The following MEIG1 variants were observed in gnomAD, a reference collection of about 807,000 sequenced individuals.
MEIG1 encodes the protein meiosis/spermiogenesis associated 1, also known as meiosis expressed gene 1 protein homolog.
In MEIG1, 12 loss-of-function variants were observed where a neutral mutation model predicts 11.3. The observed-to-expected ratio is 1.07, with a 90% CI of 0.68 to 1.73. The LOEUF (loss-of-function observed/expected upper bound fraction) is 1.73. MEIG1 is among the 40% of genes most tolerant of loss of function. The pLI is 0.00. For missense variants in MEIG1, 119 were observed against 104.9 expected, an observed-to-expected ratio of 1.13 and a Z score of -0.59; for synonymous variants, 41 against 33.2, an observed-to-expected ratio of 1.24 and a Z score of -0.81.
At chr10:14,978,472 A>T (rs566251339) in intron 1 of MEIG1, among the ~76,000 whole-genome samples, 16 of 151,528 alleles carry the variant, frequency 1.1e-4, no homozygotes, top group African/African-American at 3.6e-4. Flanking sequence ...GGGAGATGTT[A>T]CTCCTAATGT....
chr10:14,961,823 T>C (rs1843017847), intron 1 of MEIG1, among the ~76,000 whole-genome samples: 1 of 151,806 alleles, frequency 6.6e-6, no homozygotes, highest in South Asian at 2.1e-4. Context: ...CATTTTTTTC[T>C]TGAGGCAGGG....
chr10:14,958,944 T>A (rs1176345223), upstream of MEIG1, among the ~76,000 whole-genome samples: 1 of 152,074 alleles, frequency 6.6e-6, no homozygotes, highest in Non-Finnish European at 1.5e-5. Context: ...TTGAATCTGA[T>A]CACTTTTCGC....
At chr10:14,967,831 C>CA (rs1843104427) in intron 2 of MEIG1, among the ~76,000 whole-genome samples, 2 of 87,120 alleles carry the variant, frequency 2.3e-5, no homozygotes, top group Admixed American at 2.5e-4. Flanking sequence ...TCATGACAAA[C>CA]CTTTTCTTAA....
intron 1 of MEIG1, among the ~76,000 whole-genome samples, chr10:14,984,168 A>G (rs959794245): frequency 1.3e-5 from 2 of 151,512 alleles, no homozygotes; most frequent in African/African-American, 4.9e-5. Context: ...CGTCATATCC[A>G]GGCGGGGAGA....
At chr10:14,968,924 C>A (rs1444071095) in intron 2 of MEIG1, among the ~76,000 whole-genome samples, 1 of 151,840 alleles carries the variant, frequency 6.6e-6, no homozygotes, top group African/African-American at 2.4e-5. Flanking sequence ...GCTAAAAATA[C>A]AAAACTTGCC....
intron 1 of MEIG1, among the ~76,000 whole-genome samples, chr10:14,982,856 TA>T (rs1239361727): frequency 6.6e-6 from 1 of 152,152 alleles, no homozygotes; most frequent in Admixed American, 6.5e-5. Context: ...AATAAATGAT[TA>T]ATATTAACGA....
rs1056187173 is a variant in MEIG1 at position 14,986,685 on chromosome 10, C to G, written n.67-111C>G. 4 of 286,608 alleles carry G rather than the reference C, an allele frequency of 1.4e-5. No individual in the cohort carries two copies. The East Asian group carries it at 3.9e-4, about 28-fold the overall frequency. 17.8% of individuals were successfully genotyped at this position (286,608 alleles called of 1,614,324 possible). On this transcript the variant is annotated intron_variant and non_coding_transcript_variant, in intron 1 of 2. Coordinates refer to the MEIG1 transcript ENST00000467536. ...AGTACACAGGCACAATCCGGGCTCACTGCAAGCTCCGCCTCCTGAGTTCAA... is the reference window on the plus strand; with the variant it reads ...AGTACACAGGCACAATCCGGGCTCAGTGCAAGCTCCGCCTCCTGAGTTCAA...
intron 1 of MEIG1, among the ~76,000 whole-genome samples, chr10:14,982,078 G>GT (rs1416347205): frequency 6.6e-6 from 1 of 152,220 alleles, no homozygotes; most frequent in African/African-American, 2.4e-5. Context: ...TTAAAGCCAT[G>GT]TGAATCATGC....
In MEIG1 at chr10:14,986,929, ATGG is replaced by A. The variant is rs530770907; in HGVS notation, n.203_205del. ...ATGAGAGATTTCCACATTCTTGATG[ATGG>A]TGAATTGTCACACAATCCAACCGTG... On this transcript the variant is annotated non_coding_transcript_exon_variant, in exon 2 of 3. Transcript: ENST00000467536. 653 of 638,754 alleles carry A rather than the reference ATGG, an allele frequency of 1.0e-3. 3 individuals are homozygous for A. The African/African-American group carries it at 0.011, about 11-fold the overall frequency. 39.6% of individuals were successfully genotyped at this position (638,754 alleles called of 1,614,324 possible).
At chr10:14,975,834 G>T (rs12414974), downstream of MEIG1, among the ~76,000 whole-genome samples, 23,558 of 152,068 alleles carry the variant, frequency 0.15, 2,305 homozygotes, top group East Asian at 0.34. Flanking sequence ...TTTCAACATG[G>T]GAGAGGACGA....
intron 1 of MEIG1, among the ~76,000 whole-genome samples, chr10:14,964,052 C>G (rs1245452522): frequency 6.7e-6 from 1 of 148,838 alleles, no homozygotes; most frequent in African/African-American, 2.5e-5. Context: ...GAGCCGAGAT[C>G]GCGCCTCTGC....
downstream of MEIG1, among the ~76,000 whole-genome samples, chr10:14,974,949 T>A (rs1230207385): frequency 6.6e-6 from 1 of 152,120 alleles, no homozygotes; most frequent in East Asian, 1.9e-4. Flanking sequence ...AAAACCTCAG[T>A]GGGTGTACAC....
chr10:14,963,522 G>A (rs1306369132), intron 1 of MEIG1, among the ~76,000 whole-genome samples: 3 of 152,190 alleles, frequency 2.0e-5, no homozygotes, highest in Non-Finnish European at 4.4e-5. Flanking sequence ...TCACCTCTTT[G>A]TCATAGCTGG....
At chr10:14,987,884 T>C (rs1230007482) in exon 3 of MEIG1, 2 of 155,360 alleles carry the variant, frequency 1.3e-5, no homozygotes, top group African/African-American at 4.8e-5. Context: ...ATGTAGAATA[T>C]GTAAAAGGAC....
chr10:14,959,808 A>G (rs1234586681), intron 1 of MEIG1, among the ~76,000 whole-genome samples: 1 of 152,156 alleles, frequency 6.6e-6, no homozygotes, highest in Non-Finnish European at 1.5e-5. Flanking sequence ...CCCGGACCCC[A>G]TTGGCTTTAG....
At chr10:14,987,668 C>T (rs1249812165) in intron 2 of MEIG1, 1 of 360,022 alleles carries the variant, frequency 2.8e-6, no homozygotes, top group East Asian at 5.8e-5. Flanking sequence ...TAGAGAAAAT[C>T]CACTGAAGAA....
chr10:14,967,318 T>G (rs886486865), intron 2 of MEIG1, among the ~76,000 whole-genome samples: 10 of 151,172 alleles, frequency 6.6e-5, no homozygotes, highest in African/African-American at 1.7e-4. Context: ...CTGTGGTTTT[T>G]GGGGCAATTA....
intron 1 of MEIG1, among the ~76,000 whole-genome samples, chr10:14,983,499 G>A (rs12247104): frequency 0.12 from 18,722 of 152,034 alleles, 1,304 homozygotes; most frequent in Middle Eastern, 0.23. Flanking sequence ...TAATATCCAT[G>A]GAGAGGAGAG....
intron 2 of MEIG1, chr10:14,987,082 A>G (rs1357305213): frequency 3.1e-6 from 2 of 650,426 alleles, no homozygotes; most frequent in Non-Finnish European, 2.6e-6. Context: ...ATAGGCCATC[A>G]CAGTCAGGAG....
Sources: gnomAD v4.1 joint callset for allele counts (sites outside exome capture counted in the v4.1 genomes callset) on GRCh38, gnomAD v4.1.1 for gene constraint, MANE v1.5 for transcripts, NCBI Gene and HGNC (gene_info 2026-07-23, HGNC 2026-07-21) for gene names.